Variants in BMAL1 observed in about 807,000 individuals in gnomAD.
The protein encoded by BMAL1 is basic helix-loop-helix ARNT-like protein 1.
At chr11:13,372,893 G>C in the BMAL1 span, among the ~76,000 whole-genome samples, 1 of 152,170 alleles carries the variant, frequency 6.6e-6, no homozygotes, top group Admixed American at 6.5e-5. Flanking sequence ...AGATTTTTCT[G>C]TCATTCTTTG....
At chr11:13,277,504 A>C in the BMAL1 span, 1 of 152,220 alleles carries the variant, frequency 6.6e-6, no homozygotes, top group Non-Finnish European at 1.5e-5. Flanking sequence ...GATTGGTGGC[A>C]GGAAAGTAGC....
At chr11:13,281,179 C>T in the BMAL1 span, among the ~76,000 whole-genome samples, 5 of 152,118 alleles carry the variant, frequency 3.3e-5, no homozygotes, top group African/African-American at 4.8e-5. Flanking sequence ...GCTGTTTGTC[C>T]TTAGTCTCCC....
chr11:13,293,736 C>T, the BMAL1 span, among the ~76,000 whole-genome samples: 2 of 152,252 alleles, frequency 1.3e-5, no homozygotes, highest in African/African-American at 4.8e-5. Context: ...GCACATGACA[C>T]ATAGTATGTC....
chr11:13,300,840 C>G, the BMAL1 span, among the ~76,000 whole-genome samples: 1 of 152,158 alleles, frequency 6.6e-6, no homozygotes, highest in Non-Finnish European at 1.5e-5. Flanking sequence ...GACAAACAGA[C>G]AACACTGACT....
chr11:13,281,005 G>T, the BMAL1 span, among the ~76,000 whole-genome samples: 1 of 152,172 alleles, frequency 6.6e-6, no homozygotes. Context: ...CTGACCTCAG[G>T]TTTCTCCTCT....
At chr11:13,287,346 A>T in the BMAL1 span, among the ~76,000 whole-genome samples, 4 of 152,226 alleles carry the variant, frequency 2.6e-5, no homozygotes, top group Admixed American at 1.3e-4. Flanking sequence ...TCCTTACTTG[A>T]AGGCATAGCG....
the BMAL1 span, chr11:13,372,387 A>G: frequency 6.2e-7 from 1 of 1,614,052 alleles, no homozygotes; most frequent in Non-Finnish European, 8.5e-7. Flanking sequence ...GATAGATGGA[A>G]AGTTTGTTTT....
At chr11:13,308,215 T>G in the BMAL1 span, among the ~76,000 whole-genome samples, 2 of 152,168 alleles carry the variant, frequency 1.3e-5, no homozygotes, top group East Asian at 3.8e-4. Flanking sequence ...AACATTGTCT[T>G]AAACTGAGGC....
chr11:13,277,256 A>C, the BMAL1 span, among the ~76,000 whole-genome samples: 1 of 152,188 alleles, frequency 6.6e-6, no homozygotes, highest in Non-Finnish European at 1.5e-5. Context: ...TTTTCGTCGG[A>C]ATGCCCGGAG....
chr11:13,356,686 CTCTTCTGT>C, the BMAL1 span: 1 of 1,603,082 alleles, frequency 6.2e-7, no homozygotes, highest in Non-Finnish European at 8.5e-7. Context: ...TGATAAGAAG[CTCTTCTGT>C]ATGTCTTTAT....
the BMAL1 span, among the ~76,000 whole-genome samples, chr11:13,354,785 G>A: frequency 6.6e-6 from 1 of 152,208 alleles, no homozygotes; most frequent in Non-Finnish European, 1.5e-5. Flanking sequence ...AAGTCTATGG[G>A]TGTCATCTCA....
At chr11:13,372,810 C>T in the BMAL1 span, among the ~76,000 whole-genome samples, 7 of 148,984 alleles carry the variant, frequency 4.7e-5, no homozygotes, top group Non-Finnish European at 7.4e-5. Context: ...GACCCTGTTT[C>T]AAAAAAAAAG....
the BMAL1 span, among the ~76,000 whole-genome samples, chr11:13,304,296 C>A: frequency 6.6e-6 from 1 of 152,068 alleles, no homozygotes; most frequent in Admixed American, 6.5e-5. Flanking sequence ...TGGGGAGAAG[C>A]CGTTAGATTT....
chr11:13,345,258 TACA>T, the BMAL1 span, among the ~76,000 whole-genome samples: 2 of 152,222 alleles, frequency 1.3e-5, no homozygotes, highest in Non-Finnish European at 2.9e-5. Flanking sequence ...TCTGTTCTTT[TACA>T]ACACTTGTTT....
the BMAL1 span, among the ~76,000 whole-genome samples, chr11:13,327,035 T>C: frequency 1.3e-5 from 2 of 151,876 alleles, no homozygotes; most frequent in Non-Finnish European, 2.9e-5. Flanking sequence ...TTAGCCAGGA[T>C]GGTCTCGATC....
At chr11:13,331,869 G>A in the BMAL1 span, among the ~76,000 whole-genome samples, 1 of 152,144 alleles carries the variant, frequency 6.6e-6, no homozygotes, top group Non-Finnish European at 1.5e-5. Context: ...AACTTTGCTA[G>A]GGAGGGCAAA....
At chr11:13,330,146 A>G in the BMAL1 span, among the ~76,000 whole-genome samples, 1 of 152,218 alleles carries the variant, frequency 6.6e-6, no homozygotes, top group African/African-American at 2.4e-5. Context: ...TTGAGACTAG[A>G]TACAATGCCA....
the BMAL1 span, chr11:13,374,221 A>G: frequency 6.2e-7 from 1 of 1,604,086 alleles, no homozygotes; most frequent in Non-Finnish European, 8.5e-7. Context: ...GATGTATGAA[A>G]GATCTTAAGT....
At chr11:13,287,940 C>T in the BMAL1 span, among the ~76,000 whole-genome samples, 2 of 152,136 alleles carry the variant, frequency 1.3e-5, no homozygotes, top group Non-Finnish European at 2.9e-5. Context: ...TTGTTGTGAC[C>T]AAGGAGCCTG....
Sources: allele counts gnomAD v4.1 joint callset (sites outside exome capture counted in the v4.1 genomes callset), GRCh38; gene constraint gnomAD v4.1.1; transcripts MANE v1.5; gene names NCBI Gene and HGNC (gene_info 2026-07-23, HGNC 2026-07-21).